Variants in TGOLN2 observed in about 807,000 individuals in gnomAD.
TGOLN2 encodes the protein trans-Golgi network integral membrane protein 2.
A neutral mutation model predicts 31.3 loss-of-function variants in TGOLN2; 19 were observed. The observed-to-expected ratio is 0.61, with a 90% confidence interval of 0.42 to 0.89. The LOEUF is 0.89. TGOLN2 is among the 40% of genes least tolerant of loss of function. The pLI, the probability that TGOLN2 is intolerant of heterozygous loss-of-function variation, is 0.00. For missense variants in TGOLN2, 540 were observed against 559.2 expected (o/e 0.97, Z 0.35); for synonymous variants, 222 against 226.7 (o/e 0.98, Z 0.19).
At chr2:85,326,173 G>C (rs1040698775) in intron 2 of TGOLN2, among the ~76,000 whole-genome samples, 1 of 152,166 alleles carries the variant, frequency 6.6e-6, no homozygotes, top group African/African-American at 2.4e-5. Context: ...TGGAAGGTAC[G>C]TGCTTTAACT....
At chr2:85,322,767 A>T in intron 3 of TGOLN2, 26 bp from the exon 4 acceptor site, 6 of 1,608,304 alleles carry the variant, frequency 3.7e-6, no homozygotes, top group Non-Finnish European at 5.1e-6. Flanking sequence ...ATCTTTTAGG[A>T]GGTGCAGGGA....
At chr2:85,323,902 C>T (rs1470533683) in intron 3 of TGOLN2, among the ~76,000 whole-genome samples, 1 of 152,218 alleles carries the variant, frequency 6.6e-6, no homozygotes, top group Non-Finnish European at 1.5e-5. Context: ...TAGAGAGACC[C>T]TTGCTTAGCT....
chr2:85,325,057 T>A, intron 2 of TGOLN2, 59 bp from the exon 3 acceptor site: 1 of 1,499,254 alleles, frequency 6.7e-7, no homozygotes, highest in Non-Finnish European at 9.1e-7. Flanking sequence ...TAGTTCAGTC[T>A]CTGAACTCAG....
chr2:85,324,629 GAA>G (rs755099986), intron 3 of TGOLN2: 4,762 of 401,450 alleles, frequency 0.012, no homozygotes, highest in South Asian at 0.019. Context: ...AAACTTAGCG[GAA>G]AAAAAAAAAA....
rs1335536787 is a variant in TGOLN2 at position 85,321,438 on chromosome 2, G to A, written c.*1298C>T. 2 of 152,604 alleles carry A rather than the reference G, an allele frequency of 1.3e-5. No individual in the cohort carries two copies. The highest frequency in any genetic ancestry group is 2.9e-5 in the Non-Finnish European group (2 of 68,036). 9.5% of individuals were successfully genotyped at this position (152,604 alleles called of 1,614,324 possible). On this transcript the variant is annotated 3_prime_UTR_variant, in exon 4 of 4. Transcript: ENST00000377386. The stretch of plus-strand genomic sequence containing the variant: ...TCATCTTATTTCCCTCATCTCCCAA[G>A]TTATTTGTATTTCCCTGAGATCAGC...
Position 85,318,759 on chromosome 2 carries a change from ATGTAACTAGC to A in TGOLN2, c.*3967_*3976del, listed in dbSNP as rs1403075619. On this transcript the variant is annotated 3_prime_UTR_variant, in exon 4 of 4. Coordinates refer to ENST00000377386, the MANE Select transcript of TGOLN2 (RefSeq NM_006464.4). ...TCATGGGAGTACTATGTCAGAGCGT[ATGTAACTAGC>A]TGTCAGGTCTTTCCCCGTTGCCTCA... 2 of 152,250 alleles carry A rather than the reference ATGTAACTAGC, an allele frequency of 1.3e-5. No individual in the cohort carries two copies. Among genetic ancestry groups the A allele is most frequent in the African/African-American group, 2.4e-5 (1 of 41,460 alleles). 9.4% of individuals were successfully genotyped at this position (152,250 alleles called of 1,614,324 possible). A position where few individuals can be genotyped will look rare whatever the true frequency, so the allele number is the denominator to read the frequency against.
Position 85,326,913 on chromosome 2 carries a change from CTTG to C in TGOLN2, c.816_818del (p.Asn272del), listed in dbSNP as rs751000486. 33 of 1,614,040 alleles carry C rather than the reference CTTG, an allele frequency of 2.0e-5. No homozygotes were observed. The East Asian group carries it at 7.1e-4, about 35-fold the overall frequency. ...GGTTTGTGTCAGCCTTGGGGAGCTC[CTTG>C]TTATCAGAAGGGTTGGAGATGGGCT... On this transcript the variant is annotated inframe_deletion, in exon 2 of 4. Transcript: ENST00000377386.
In TGOLN2 at chr2:85,318,539, G is replaced by A. The variant is rs567412712; in HGVS notation, c.*4197C>T. ...CGCCAAATCCAACCTTCCTAACAGGGGTTTTCAGAAAATGGCCTGCAGAAG... is the reference window on the plus strand; with the variant it reads ...CGCCAAATCCAACCTTCCTAACAGGAGTTTTCAGAAAATGGCCTGCAGAAG... On this transcript the variant is annotated 3_prime_UTR_variant, in exon 4 of 4. Coordinates refer to ENST00000377386, the MANE Select transcript of TGOLN2 (RefSeq NM_006464.4). 3.3e-5 allele frequency: 5 copies of A among 152,358 alleles called. No homozygotes were observed. Among genetic ancestry groups the A allele is most frequent in the African/African-American group, 1.2e-4 (5 of 41,566 alleles). 9.4% of individuals were successfully genotyped at this position (152,358 alleles called of 1,614,324 possible).
At chr2:85,324,248 C>T (rs535945355) in intron 3 of TGOLN2, 3 of 152,220 alleles carry the variant, frequency 2.0e-5, no homozygotes, top group African/African-American at 7.2e-5. Flanking sequence ...CATGGAGAAA[C>T]CCATCTCTAC....
In TGOLN2 at chr2:85,320,722, G is replaced by A. The variant is rs1682517175; in HGVS notation, c.*2014C>T. ...GGCTGAGGAGACAGTCAAAGGAATA[G>A]AGAGGCCTGGCTTTGAGGGCCTCTT... On this transcript the variant is annotated 3_prime_UTR_variant, in exon 4 of 4. Transcript: ENST00000377386. The A allele has an allele frequency of 6.6e-6, 1 of 152,238 alleles. No individual in the cohort carries two copies. The highest frequency in any genetic ancestry group is 1.9e-4 in the East Asian group (1 of 5,194). 9.4% of individuals were successfully genotyped at this position (152,238 alleles called of 1,614,324 possible). A position where few individuals can be genotyped will look rare whatever the true frequency, so the allele number is the denominator to read the frequency against.
At position 85,326,601 on chromosome 2, in the gene TGOLN2, AT is replaced by A; in HGVS notation, c.1130del (p.Asn377MetfsTer14). The part of the protein sequence containing the change: ...KDDLYPNGSG[N>X]GSAESSHFFA... Reference sequence around the variant, plus strand: ...AGAAGTGGCTGCTCTCCGCGCTGCCATTTCCAGAACCGTTCGGATAAAGGTC... The same window carrying A: ...AGAAGTGGCTGCTCTCCGCGCTGCCATTCCAGAACCGTTCGGATAAAGGTC... On this transcript the variant is annotated frameshift_variant, in exon 2 of 4. Transcript: ENST00000377386. LOFTEE classifies it high-confidence loss of function. The A allele has an allele frequency of 6.2e-7, 1 of 1,614,018 alleles. No homozygotes were observed. Among genetic ancestry groups the A allele is most frequent in the East Asian group, 2.2e-5 (1 of 44,888 alleles).
intron 1 of TGOLN2, 101 bp from the exon 2 acceptor site, chr2:85,327,786 G>C: frequency 1.3e-6 from 2 of 1,482,856 alleles, no homozygotes; most frequent in Non-Finnish European, 1.8e-6. Context: ...TGGGGATTGG[G>C]GGGTGGGGCG....
chr2:85,326,486 C>T, intron 2 of TGOLN2, 22 bp downstream of exon 2: 1 of 1,605,232 alleles, frequency 6.2e-7, no homozygotes, highest in African/African-American at 1.3e-5. Flanking sequence ...CACTCCCCTC[C>T]GGAAGGCCGC....
chr2:85,325,053 A>G, intron 2 of TGOLN2, 55 bp from the exon 3 acceptor site: 1 of 1,521,164 alleles, frequency 6.6e-7, no homozygotes, highest in Non-Finnish European at 8.9e-7. Flanking sequence ...GACATAGTTC[A>G]GTCTCTGAAC....
In TGOLN2 at chr2:85,318,250, C is replaced by T. The variant is rs990379306; in HGVS notation, c.*4486G>A. The T allele has an allele frequency of 6.6e-6, 1 of 152,092 alleles. No homozygotes were observed. Among genetic ancestry groups the T allele is most frequent in the Non-Finnish European group, 1.5e-5 (1 of 68,012 alleles). The allele number at this position is 152,092 out of a possible 1,614,324, so 9.4% of individuals were successfully genotyped here. ...AGTGACCATCTATTAACTGGGAAAA[C>T]ACAAAAGAAGAGAAACAATTTCAAC... On this transcript the variant is annotated 3_prime_UTR_variant, in exon 4 of 4. Coordinates refer to ENST00000377386, the MANE Select transcript of TGOLN2 (RefSeq NM_006464.4).
chr2:85,327,747 A>T (rs998691874), intron 1 of TGOLN2, 62 bp from the exon 2 acceptor site: 15 of 1,350,256 alleles, frequency 1.1e-5, no homozygotes, highest in Non-Finnish European at 1.5e-5. Context: ...ACTCCTCAGA[A>T]CTGGAAGAGA....
intron 2 of TGOLN2, among the ~76,000 whole-genome samples, chr2:85,325,557 A>G (rs1421445418): frequency 6.6e-6 from 1 of 152,068 alleles, no homozygotes; most frequent in Non-Finnish European, 1.5e-5. Flanking sequence ...GGCTCACTGA[A>G]GCCTCGACCT....
Position 85,326,758 on chromosome 2 carries a change from T to C in TGOLN2, c.974A>G (p.Glu325Gly), listed in dbSNP as rs1682747061. The C allele has an allele frequency of 6.2e-7, 1 of 1,613,934 alleles. No homozygotes were observed. The highest frequency in any genetic ancestry group is 2.2e-5 in the East Asian group (1 of 44,888). Residue 325 changes from glutamate (E) to glycine (G), a missense_variant, in exon 2 of 4, where the codon GAG (glutamate) becomes GGG (glycine). Glu to Gly is a moderately conservative substitution (Grantham distance 98). Transcript: ENST00000377386. Reference protein sequence around the residue: ...SEPTEDVEPKEAEDDDTGPEE... With the variant: ...SEPTEDVEPKGAEDDDTGPEE... ...GGGTCCTGTATCATCATCTTCAGCC[T>C]CTTTGGGCTCCACATCCTCAGTAGG...
intron 2 of TGOLN2, among the ~76,000 whole-genome samples, chr2:85,325,697 C>T (rs4435452): frequency 0.56 from 85,620 of 151,982 alleles, 24,630 homozygotes; most frequent in East Asian, 0.88. Flanking sequence ...AGGCTGGTCT[C>T]GGACTCCTGG....
Sources: gnomAD v4.1 joint callset for allele counts (sites outside exome capture counted in the v4.1 genomes callset) on GRCh38, gnomAD v4.1.1 for gene constraint, MANE v1.5 for transcripts, NCBI Gene and HGNC (gene_info 2026-07-23, HGNC 2026-07-21) for gene names.